The following NOMO3 variants were observed in gnomAD, a reference collection of about 807,000 sequenced individuals.
NOMO3 encodes the protein NODAL modulator 3.
NOMO3 carries 15 observed loss-of-function variants against 69.9 expected under a neutral mutation model. The observed-to-expected ratio is 0.21, with a 90% CI of 0.14 to 0.33. The LOEUF (loss-of-function observed/expected upper bound fraction) is 0.33, where lower values mean the gene tolerates loss of function less well. Ranked by LOEUF, NOMO3 falls within the 10% of genes least tolerant of loss-of-function variation. The probability of loss-of-function intolerance (pLI) is 1.00; values close to 1 mark genes in which losing one functional copy is unlikely to be tolerated. For missense variants in NOMO3, 218 were observed against 761.0 expected (o/e 0.29, Z 8.39); for synonymous variants, 89 against 301.9 (o/e 0.29, Z 7.31).
chr16:16,236,997 G>T lies in NOMO3; in HGVS notation c.255+7G>T, dbSNP rs372307712. The T allele has an allele frequency of 1.0e-4, 160 of 1,578,760 alleles. 28 individuals carry two copies. The African/African-American group carries it at 2.2e-3, about 22-fold the overall frequency. On this transcript the variant is annotated splice_region_variant and intron_variant, in intron 2 of 30. Coordinates refer to ENST00000399336, the MANE Select transcript of NOMO3 (RefSeq NM_001004067.4). ...GATCCCTTTGTATGATAAGGTAAGA[G>T]GGGACTGCTTGTCACTTATGATGGG...
In NOMO3 at chr16:16,254,141, A is replaced by C. The variant is rs984953695; in HGVS notation, c.964-1579A>C. On this transcript the variant is annotated intron_variant, in intron 9 of 30. Transcript: ENST00000399336. ...AGAAGGGTAAGAAGATGAAGCCTTTACTTTGCTTCTCGTAGCTTGCAGAGA... is the reference window on the plus strand; with the variant it reads ...AGAAGGGTAAGAAGATGAAGCCTTTCCTTTGCTTCTCGTAGCTTGCAGAGA... Among the ~76,000 whole-genome samples, 45 of 143,028 alleles carry C rather than the reference A, an allele frequency of 3.1e-4. 1 individual carries two copies. Among genetic ancestry groups the C allele is most frequent in the African/African-American group, 1.2e-3 (43 of 35,270 alleles). 93.8% of individuals were successfully genotyped at this position (143,028 alleles called of 152,430 possible).
Position 16,232,701 on chromosome 16 carries a change from C to A in NOMO3, c.35C>A (p.Pro12His), listed in dbSNP as rs1286627174. The A allele has an allele frequency of 3.7e-6, 3 of 816,540 alleles. No individual in the cohort carries two copies. The highest frequency in any genetic ancestry group is 4.8e-6 in the Non-Finnish European group (3 of 622,570). 50.6% of individuals were successfully genotyped at this position (816,540 alleles called of 1,614,324 possible). The change falls in exon 1 of 31, where the codon CCC (proline) becomes CAC (histidine). Residue 12 changes from proline to histidine, a missense_variant. Physicochemically the swap from Pro to His is moderately conservative, Grantham distance 77. Coordinates refer to ENST00000399336, the MANE Select transcript of NOMO3 (RefSeq NM_001004067.4). ...LVGQGAGPLG[P>H]AVVTAAVVLL... ...GGCCAGGGCGCGGGGCCGCTGGGGC[C>A]CGCGGTGGTCACCGCCGCGGTGGTG...
At chr16:16,244,511 CTTTTTTTTTTT>C (rs1203597061) in intron 4 of NOMO3, among the ~76,000 whole-genome samples, 1 of 52,496 alleles carries the variant, frequency 1.9e-5, no homozygotes, top group African/African-American at 8.6e-5. Flanking sequence ...TGTACATTTA[CTTTTTTTTTTT>C]TTTTTTTTTT....
In NOMO3 at chr16:16,265,347, C is replaced by T. The variant is rs369515546; in HGVS notation, c.1806+168C>T. On this transcript the variant is annotated intron_variant, in intron 15 of 30. Coordinates refer to ENST00000399336, the MANE Select transcript of NOMO3 (RefSeq NM_001004067.4). ...CGCATAATCAGGAAGCATTTATACT[C>T]TCTCAGTGGAAGGACCCCTGTATTT... 1,386 of 1,169,992 alleles carry T rather than the reference C, an allele frequency of 1.2e-3. 78 individuals carry two copies. In the Middle Eastern group the frequency reaches 0.013, roughly 11 times the overall value. The allele number at this position is 1,169,992 out of a possible 1,614,324, so 72.5% of individuals were successfully genotyped here.
intron 3 of NOMO3, among the ~76,000 whole-genome samples, chr16:16,240,468 C>G (rs547203472): frequency 6.9e-6 from 1 of 145,632 alleles, no homozygotes; most frequent in African/African-American, 2.7e-5. Flanking sequence ...GATTAATAAA[C>G]CAATACTGAG....
intron 3 of NOMO3, among the ~76,000 whole-genome samples, chr16:16,240,931 G>A (rs2049369402): frequency 1.4e-5 from 2 of 144,342 alleles, no homozygotes; most frequent in East Asian, 2.2e-4. Context: ...GGAGAGGAAT[G>A]CAGCCCTGCT....
In NOMO3 at chr16:16,254,373, T is replaced by C. The variant is rs2049491853; in HGVS notation, c.964-1347T>C. Among the ~76,000 whole-genome samples, 7 of 143,394 alleles carry C rather than the reference T, an allele frequency of 4.9e-5. 3 individuals carry two copies. The East Asian group carries it at 1.6e-3, about 32-fold the overall frequency. 94.1% of individuals were successfully genotyped at this position (143,394 alleles called of 152,430 possible). ...AGCAAAAATATTTGTTGCGTACATA[T>C]GTGAATTAATAAGTAGGTAATGCAT... is the stretch of plus-strand genomic sequence containing the variant. On this transcript the variant is annotated intron_variant, in intron 9 of 30. Coordinates refer to ENST00000399336, the MANE Select transcript of NOMO3 (RefSeq NM_001004067.4).
chr16:16,245,345 A>G (rs1182384997), intron 5 of NOMO3, among the ~76,000 whole-genome samples, 171 bp downstream of exon 5: 1 of 143,384 alleles, frequency 7.0e-6, no homozygotes, highest in Non-Finnish European at 1.5e-5. Flanking sequence ...CACATGTGAA[A>G]TGGAATCCAT....
At chr16:16,249,407 G>A (rs1355080525) in intron 6 of NOMO3, among the ~76,000 whole-genome samples, 2 of 141,790 alleles carry the variant, frequency 1.4e-5, no homozygotes, top group Admixed American at 6.9e-5. Flanking sequence ...TGGTGAAACC[G>A]CATCTCTACT....
intron 3 of NOMO3, among the ~76,000 whole-genome samples, chr16:16,240,142 T>G (rs1300274848): frequency 6.9e-6 from 1 of 144,602 alleles, no homozygotes; most frequent in African/African-American, 2.8e-5. Flanking sequence ...TTCTGGAAAC[T>G]CTTCCCTTGC....
chr16:16,233,171 TCTC>T (rs1365896483), intron 1 of NOMO3, among the ~76,000 whole-genome samples: 1 of 46,572 alleles, frequency 2.1e-5, no homozygotes, highest in Non-Finnish European at 3.9e-5. Flanking sequence ...AGACCTGAGA[TCTC>T]CTCGAATCAG....
chr16:16,239,570 T>C (rs2141246947), intron 2 of NOMO3, among the ~76,000 whole-genome samples: 1 of 129,854 alleles, frequency 7.7e-6, no homozygotes, highest in East Asian at 2.5e-4. Flanking sequence ...GTATGTTTAG[T>C]ATTAAAAGAC....
At chr16:16,265,666 A>AT (rs1949437355) in intron 15 of NOMO3, among the ~76,000 whole-genome samples, 19 of 32,590 alleles carry the variant, frequency 5.8e-4, no homozygotes, top group East Asian at 2.1e-3. Flanking sequence ...ATATATATAT[A>AT]TATATTTTTT....
chr16:16,250,893 AT>A, intron 6 of NOMO3, 34 bp from the exon 7 acceptor site: 1 of 719,226 alleles, frequency 1.4e-6, no homozygotes, highest in Non-Finnish European at 2.2e-6. Context: ...GCAAGTGTTT[AT>A]TTTTTTACAG....
rs2049290064 is a variant in NOMO3 at position 16,232,612 on chromosome 16, T to C, written c.-55T>C. 5.0e-6 allele frequency: 2 copies of C among 396,738 alleles called. No homozygotes were observed. Among genetic ancestry groups the C allele is most frequent in the Non-Finnish European group, 8.8e-6 (2 of 226,570 alleles). The allele number at this position is 396,738 out of a possible 1,614,324, so 24.6% of individuals were successfully genotyped here. On this transcript the variant is annotated 5_prime_UTR_variant, in exon 1 of 31. Coordinates refer to ENST00000399336, the MANE Select transcript of NOMO3 (RefSeq NM_001004067.4). ...GGAGGAAGGAGCCTGCGGCGTGCAG[T>C]GTGAGGGGCGGGACCCGGCTGCCGG...
intron 15 of NOMO3, among the ~76,000 whole-genome samples, chr16:16,265,658 A>ATATATT (rs2049608822): frequency 6.2e-5 from 2 of 32,154 alleles, no homozygotes; most frequent in South Asian, 2.5e-3. Context: ...ATATATATAT[A>ATATATT]TATATATATA....
intron 1 of NOMO3, chr16:16,235,867 G>T (rs748738144): frequency 1.1e-5 from 5 of 442,748 alleles, no homozygotes; most frequent in South Asian, 8.0e-5. Context: ...GCATTGATGT[G>T]AATCTGTACA....
intron 2 of NOMO3, among the ~76,000 whole-genome samples, chr16:16,237,303 A>G (rs1327737362): frequency 2.1e-5 from 3 of 144,468 alleles, no homozygotes; most frequent in Middle Eastern, 6.8e-3. Context: ...AGTGCTGCCT[A>G]CGACAGCCCA....
At chr16:16,269,482 A>G (rs1353941685) in intron 16 of NOMO3, among the ~76,000 whole-genome samples, 1 of 138,742 alleles carries the variant, frequency 7.2e-6, no homozygotes, top group Non-Finnish European at 1.5e-5. Context: ...TGTTGAGTGC[A>G]ATGAAAACAG....
Sources: gnomAD v4.1 joint callset for allele counts (sites outside exome capture counted in the v4.1 genomes callset) on GRCh38, gnomAD v4.1.1 for gene constraint, MANE v1.5 for transcripts, NCBI Gene and HGNC (gene_info 2026-07-23, HGNC 2026-07-21) for gene names.